AGTPBP1: variants seen among roughly 807,000 people sequenced by gnomAD.
AGTPBP1 encodes the protein ATP/GTP binding carboxypeptidase 1, also known as cytosolic carboxypeptidase 1.
Under a neutral mutation model 143.9 loss-of-function variants are expected in AGTPBP1, and 70 were observed. The ratio of observed to expected loss-of-function variants is 0.49; its 90% CI spans 0.40 to 0.59. The LOEUF (loss-of-function observed/expected upper bound fraction) is 0.59, where lower values mean the gene tolerates loss of function less well. AGTPBP1 is among the 20% of genes least tolerant of loss of function. AGTPBP1 has a pLI of 0.00. For missense variants in AGTPBP1, 1,229 were observed against 1,464.5 expected (o/e 0.84, Z 2.62); for synonymous variants, 463 against 500.2 (o/e 0.93, Z 0.99).
At chr9:85,735,964 T>A (rs1228751361) in intron 1 of AGTPBP1, among the ~76,000 whole-genome samples, 1 of 152,190 alleles carries the variant, frequency 6.6e-6, no homozygotes, top group East Asian at 1.9e-4. Flanking sequence ...GTGCCTGGAA[T>A]TTCTCCATAG....
upstream of AGTPBP1, chr9:85,742,071 C>G (rs1824358271): frequency 9.0e-7 from 1 of 1,114,582 alleles, no homozygotes; most frequent in Non-Finnish European, 1.1e-6. Flanking sequence ...AGGGGCGGGG[C>G]GGAGCGCACG....
the AGTPBP1 span, chr9:85,770,512 T>C: frequency 7.5e-7 from 1 of 1,333,858 alleles, no homozygotes; most frequent in Admixed American, 1.7e-5. Context: ...AGGGTCAGAA[T>C]ATTTTTCTTA....
chr9:85,594,224 G>A (rs995448789), intron 18 of AGTPBP1, among the ~76,000 whole-genome samples: 2 of 152,242 alleles, frequency 1.3e-5, no homozygotes, highest in African/African-American at 2.4e-5. Context: ...ATGGTGAAAA[G>A]CAGTTTTATT....
At chr9:85,636,388 G>A (rs1034673086) in intron 13 of AGTPBP1, among the ~76,000 whole-genome samples, 2 of 150,144 alleles carry the variant, frequency 1.3e-5, no homozygotes, top group Admixed American at 6.7e-5. Flanking sequence ...TTAGCTTCCC[G>A]AGTAGCTAGG....
intron 19 of AGTPBP1, among the ~76,000 whole-genome samples, chr9:85,591,412 A>C (rs941653660): frequency 8.5e-5 from 13 of 152,144 alleles, no homozygotes; most frequent in African/African-American, 3.1e-4. Context: ...ACTAGTTACA[A>C]AGAGGTTGGC....
At chr9:85,644,675 T>C (rs1832705690) in intron 12 of AGTPBP1, among the ~76,000 whole-genome samples, 2 of 152,126 alleles carry the variant, frequency 1.3e-5, no homozygotes, top group South Asian at 4.1e-4. Flanking sequence ...TGTGGCTAGC[T>C]GGAGATGAAT....
chr9:85,695,949 C>T (rs1170661737), intron 2 of AGTPBP1, among the ~76,000 whole-genome samples: 1 of 151,862 alleles, frequency 6.6e-6, no homozygotes, highest in Non-Finnish European at 1.5e-5. Flanking sequence ...TCAAGCGATT[C>T]TCCTGCCTCA....
intron 23 of AGTPBP1, among the ~76,000 whole-genome samples, chr9:85,581,672 C>G (rs1828270671): frequency 6.6e-6 from 1 of 152,102 alleles, no homozygotes; most frequent in Admixed American, 6.5e-5. Flanking sequence ...ACAATATTTA[C>G]CAATATTAAA....
chr9:85,574,096 A>G (rs1300256524), intron 25 of AGTPBP1, among the ~76,000 whole-genome samples: 3 of 152,182 alleles, frequency 2.0e-5, no homozygotes, highest in Non-Finnish European at 1.5e-5. Flanking sequence ...AGAAGTAGAC[A>G]TGGGAGACTT....
chr9:85,678,370 T>C lies in AGTPBP1; in HGVS notation c.254A>G (p.Asn85Ser), dbSNP rs374607110. Residue 85 changes from asparagine to serine, a missense_variant, in exon 5 of 26, where the codon AAT (asparagine) becomes AGT (serine). Transcript: ENST00000357081. ...CAGCTCAACAAGAATGCTTAAGATA[T>C]TAAGTGTAGTTTGAAGATCTTTTGT... ...ENTKDLQTTL[N>S]ILSILVELVS... 4 of 1,593,268 alleles carry C rather than the reference T, an allele frequency of 2.5e-6. No homozygotes were observed. The highest frequency in any genetic ancestry group is 2.6e-6 in the Non-Finnish European group (3 of 1,167,204).
chr9:85,646,532 T>C (rs986557201), intron 11 of AGTPBP1, 114 bp from the exon 12 acceptor site: 2 of 738,524 alleles, frequency 2.7e-6, no homozygotes, highest in Admixed American at 2.6e-5. Context: ...AAAAAGTAAA[T>C]GAGATTTCTT....
intron 1 of AGTPBP1, among the ~76,000 whole-genome samples, chr9:85,718,769 ACTAGGTTTTCTT>A (rs1280272181): frequency 6.6e-6 from 1 of 152,014 alleles, no homozygotes; most frequent in Non-Finnish European, 1.5e-5. Context: ...AATGGTATTG[ACTAGGTTTTCTT>A]CTAGGTTTTT....
chr9:85,755,346 A>G, the AGTPBP1 span, among the ~76,000 whole-genome samples: 3 of 152,138 alleles, frequency 2.0e-5, no homozygotes, highest in African/African-American at 7.2e-5. Context: ...TATTCCATCT[A>G]TATTTATGTT....
At chr9:85,738,106 G>A (rs1823934808) in intron 1 of AGTPBP1, among the ~76,000 whole-genome samples, 2 of 152,086 alleles carry the variant, frequency 1.3e-5, no homozygotes, top group African/African-American at 4.8e-5. Context: ...ATATTAACAT[G>A]TAAAGAGTTT....
At chr9:85,742,062 G>A, upstream of AGTPBP1, 6 of 1,160,328 alleles carry the variant, frequency 5.2e-6, no homozygotes, top group Non-Finnish European at 6.4e-6. Flanking sequence ...GGCCGCGAAA[G>A]GGGCGGGGCG....
chr9:85,609,570 C>T (rs1273152424), intron 17 of AGTPBP1, among the ~76,000 whole-genome samples: 2 of 152,110 alleles, frequency 1.3e-5, no homozygotes, highest in East Asian at 3.9e-4. Context: ...CGTGAGCCAC[C>T]GCGCCCGGCC....
In AGTPBP1 at chr9:85,578,089, A is replaced by T. The variant is rs1213439622; in HGVS notation, c.3342+831T>A. ...ATTTTTCTGTGCCAAGGCAAGAAATAGAAATGCCCAGTTTTGCTCATTGCT... is the reference window on the plus strand; with the variant it reads ...ATTTTTCTGTGCCAAGGCAAGAAATTGAAATGCCCAGTTTTGCTCATTGCT... On this transcript the variant is annotated intron_variant, in intron 24 of 25. Transcript: ENST00000357081. Among the ~76,000 whole-genome samples, 3 of 152,250 alleles carry T rather than the reference A, an allele frequency of 2.0e-5. No homozygotes were observed. In the East Asian group the frequency reaches 5.8e-4, roughly 29 times the overall value.
chr9:85,589,188 C>T (rs1004316131), intron 20 of AGTPBP1, among the ~76,000 whole-genome samples: 3 of 152,030 alleles, frequency 2.0e-5, no homozygotes, highest in Non-Finnish European at 4.4e-5. Flanking sequence ...GTTTTATTTA[C>T]AAGTAAAATC....
the AGTPBP1 span, among the ~76,000 whole-genome samples, chr9:85,779,612 ACACTCAATACTTGG>A: frequency 5.3e-5 from 8 of 152,208 alleles, no homozygotes; most frequent in Non-Finnish European, 1.5e-5. Flanking sequence ...TCTCACAGAC[ACACTCAATACTTGG>A]CATCAATACT....
Sources: gnomAD v4.1 joint callset for allele counts (sites outside exome capture counted in the v4.1 genomes callset) on GRCh38, gnomAD v4.1.1 for gene constraint, MANE v1.5 for transcripts, NCBI Gene and HGNC (gene_info 2026-07-23, HGNC 2026-07-21) for gene names.